Variants in TMEM25 observed in about 807,000 individuals in gnomAD.
TMEM25 encodes 0610039J01Rik.
TMEM25 carries 36 observed loss-of-function variants against 37.0 expected under a neutral mutation model. The ratio of observed to expected loss-of-function variants is 0.97; its 90% CI spans 0.75 to 1.28. The LOEUF (loss-of-function observed/expected upper bound fraction) is 1.28. Among genes scored for constraint, TMEM25 ranks in the 50% most tolerant of loss-of-function variants. TMEM25 has a pLI of 0.00. For missense variants in TMEM25, 444 were observed against 477.9 expected, an observed-to-expected ratio of 0.93 and a Z score of 0.66; for synonymous variants, 197 against 203.7, an observed-to-expected ratio of 0.97 and a Z score of 0.28.
At position 118,531,912 on chromosome 11, in the gene TMEM25, C is replaced by T. The variant is rs1555058713; in HGVS notation, c.70+41C>T. ...GTCGTTGACCAAGTCCTTCTGGGTT[C>T]CAAAGCCCCCTCTCTCCCCTGTCTG... On this transcript the variant is annotated intron_variant, in intron 2 of 8. Transcript: ENST00000313236. 5.8e-6 allele frequency: 9 copies of T among 1,547,900 alleles called. No homozygotes were observed. In the Admixed American group the frequency reaches 1.6e-4, roughly 27 times the overall value.
In TMEM25 at chr11:118,533,907, G is replaced by GGT. The variant is rs1555061390; in HGVS notation, c.836+22_836+23dup. 6.2e-7 allele frequency: 1 copy of GGT among 1,614,104 alleles called. No homozygotes were observed. The highest frequency in any genetic ancestry group is 1.7e-5 in the Admixed American group (1 of 60,020). The stretch of plus-strand genomic sequence containing the variant: ...ATCAAGGTAACTCTTCCTTGGGCTG[G>GGT]GTGGACAAGCCTAACCGAAATGCAG... On this transcript the variant is annotated intron_variant, in intron 6 of 8. Coordinates refer to ENST00000313236, the MANE Select transcript of TMEM25 (RefSeq NM_032780.4).
At chr11:118,533,835 G>T (rs1256591655) in intron 5 of TMEM25, 22 bp from the exon 6 acceptor site, 1 of 1,613,944 alleles carries the variant, frequency 6.2e-7, no homozygotes, top group East Asian at 2.2e-5. Flanking sequence ...GAGAATTAGG[G>T]ACATGGTTTC....
chr11:118,544,590 C>A (rs1310692933), intron 8 of TMEM25: 2 of 267,940 alleles, frequency 7.5e-6, no homozygotes, highest in Admixed American at 4.9e-5. Flanking sequence ...TGAAAGAAAA[C>A]AATTCCATCC....
At chr11:118,532,784 C>T in intron 3 of TMEM25, 133 bp from the exon 4 acceptor site, 3 of 1,303,604 alleles carry the variant, frequency 2.3e-6, no homozygotes, top group Non-Finnish European at 3.1e-6. Flanking sequence ...CTCTGGCAGA[C>T]CCAGCCATCC....
chr11:118,535,338 C>T lies in TMEM25; in HGVS notation c.*758C>T, dbSNP rs781975273. On this transcript the variant is annotated 3_prime_UTR_variant, in exon 9 of 9. Coordinates refer to ENST00000313236, the MANE Select transcript of TMEM25 (RefSeq NM_032780.4). ...GCGATGAGTCTAGTAGCACCCAGGA[C>T]GGCTTGTAGCTATGCATCATTTTCC... is the stretch of plus-strand genomic sequence containing the variant. The T allele has an allele frequency of 5.0e-4, 690 of 1,381,172 alleles. No homozygotes were observed. The highest frequency in any genetic ancestry group is 1.9e-3 in the Middle Eastern group (7 of 3,730). The allele number at this position is 1,381,172 out of a possible 1,614,324, so 85.6% of individuals were successfully genotyped here.
chr11:118,532,709 C>T, intron 3 of TMEM25: 1 of 799,816 alleles, frequency 1.3e-6, no homozygotes, highest in South Asian at 1.9e-5. Context: ...AGAAGCAGAG[C>T]CAGGATTCAC....
In TMEM25 at chr11:118,546,174, G is replaced by C. The variant is rs140711786; in HGVS notation, c.*27G>C. Reference sequence around the variant, plus strand: ...AGAGGGAAGACCATGGGAAGACACAGAAGATGGCCAAGAAGAGACCCCTCA... The same window carrying C: ...AGAGGGAAGACCATGGGAAGACACACAAGATGGCCAAGAAGAGACCCCTCA... On this transcript the variant is annotated 3_prime_UTR_variant, in exon 9 of 9. Coordinates refer to the TMEM25 transcript ENST00000354284. 430 of 718,502 alleles carry C rather than the reference G, an allele frequency of 6.0e-4. 5 individuals are homozygous for C. In the East Asian group the frequency reaches 9.7e-3, roughly 16 times the overall value. 44.5% of individuals were successfully genotyped at this position (718,502 alleles called of 1,614,324 possible). A position where few individuals can be genotyped will look rare whatever the true frequency, so the allele number is the denominator to read the frequency against.
At chr11:118,535,886 T>C, downstream of TMEM25, 10 of 1,050,418 alleles carry the variant, frequency 9.5e-6, no homozygotes, top group Non-Finnish European at 1.1e-5. Flanking sequence ...TGTTTTATTT[T>C]GTTTCGTTTG....
downstream of TMEM25, among the ~76,000 whole-genome samples, chr11:118,539,830 A>G (rs11216885): frequency 0.16 from 24,398 of 151,540 alleles, 2,425 homozygotes; most frequent in East Asian, 0.49. Flanking sequence ...AGACCAGCCT[A>G]GCCAACATGG....
At chr11:118,543,239 C>T (rs1951604240) in intron 8 of TMEM25, among the ~76,000 whole-genome samples, 1 of 152,116 alleles carries the variant, frequency 6.6e-6, no homozygotes, top group Non-Finnish European at 1.5e-5. Context: ...CGTGCCTGCT[C>T]CTTAAACTCA....
In TMEM25 at chr11:118,532,436, C is replaced by A. The variant is rs138350313; in HGVS notation, c.357C>A (p.Asn119Lys). The change falls in exon 3 of 9, where the codon AAC (asparagine) becomes AAA (lysine). Residue 119 changes from asparagine (N) to lysine (K), a missense_variant. By Grantham distance (94) the Asn-to-Lys change is moderately conservative (BLOSUM62 0). Coordinates refer to ENST00000313236, the MANE Select transcript of TMEM25 (RefSeq NM_032780.4). Reference protein sequence around the residue: ...LQDPRSGRSANASVILNVQFK... With the variant: ...LQDPRSGRSAKASVILNVQFK... ...ACCCCAGAAGTGGCCGATCAGCCAA[C>A]GCCTCTGTCATCCTTAATGTGCAAT... 1.2e-6 allele frequency: 2 copies of A among 1,613,528 alleles called. No homozygotes were observed. Among genetic ancestry groups the A allele is most frequent in the Non-Finnish European group, 8.5e-7 (1 of 1,179,664 alleles).
At chr11:118,538,469 G>T (rs1417700344), downstream of TMEM25, among the ~76,000 whole-genome samples, 1 of 151,996 alleles carries the variant, frequency 6.6e-6, no homozygotes, top group Non-Finnish European at 1.5e-5. Context: ...GCCAGGCTTT[G>T]TCTTTTTAAT....
At position 118,534,722 on chromosome 11, in the gene TMEM25, C is replaced by T. The variant is rs45548238; in HGVS notation, c.*142C>T. 223,448 of 1,469,048 alleles carry T rather than the reference C, an allele frequency of 0.15. 21,056 individuals carry two copies. Among genetic ancestry groups the T allele is most frequent in the East Asian group, 0.46 (18,457 of 40,212 alleles). The allele number at this position is 1,469,048 out of a possible 1,614,324, so 91.0% of individuals were successfully genotyped here. On this transcript the variant is annotated 3_prime_UTR_variant, in exon 9 of 9. Transcript: ENST00000313236. The surrounding 1 kb of genome is among the most constrained non-coding windows in gnomAD (Gnocchi z 4.6). Reference sequence around the variant, plus strand: ...TTGCCCTCCTGGCTGGGGTGCCCTCCATGTCATGCACGTGATGCATTTCAC... The same window carrying T: ...TTGCCCTCCTGGCTGGGGTGCCCTCTATGTCATGCACGTGATGCATTTCAC...
downstream of TMEM25, among the ~76,000 whole-genome samples, chr11:118,539,000 A>G (rs1189281719): frequency 2.6e-5 from 4 of 151,728 alleles, no homozygotes; most frequent in African/African-American, 9.7e-5. Flanking sequence ...TATTCTGGAT[A>G]TTAATCCCCT....
In TMEM25 at chr11:118,532,979, G is replaced by A; in HGVS notation, c.445G>A (p.Val149Ile). Residue 149 changes from valine (V) to isoleucine (I), a missense_variant, in exon 4 of 9, where the codon GTT becomes ATT. Val to Ile is a conservative substitution (Grantham distance 29, BLOSUM62 3). Coordinates refer to ENST00000313236, the MANE Select transcript of TMEM25 (RefSeq NM_032780.4). Reference sequence around the variant, plus strand: ...GGAAGCTCAGGGCCCAGGCCTCCTGGTTGTCCTGTTTGCCCTGGTGCGTGC... The same window carrying A: ...GGAAGCTCAGGGCCCAGGCCTCCTGATTGTCCTGTTTGCCCTGGTGCGTGC... Reference protein sequence around the residue: ...YQEAQGPGLLVVLFALVRANP... With the variant: ...YQEAQGPGLLIVLFALVRANP... 1 of 1,614,244 alleles carries A rather than the reference G, an allele frequency of 6.2e-7. No individual in the cohort carries two copies. Among genetic ancestry groups the A allele is most frequent in the Non-Finnish European group, 8.5e-7 (1 of 1,180,046 alleles).
At chr11:118,540,700 GA>G (rs1234168161), downstream of TMEM25, among the ~76,000 whole-genome samples, 5 of 152,210 alleles carry the variant, frequency 3.3e-5, no homozygotes, top group Non-Finnish European at 5.9e-5. Flanking sequence ...TTTGTCGGGT[GA>G]CAGACCCATT....
At position 118,532,977 on chromosome 11, in the gene TMEM25, T is replaced by C. The variant is rs782693163; in HGVS notation, c.443T>C (p.Leu148Pro). 15 of 1,614,140 alleles carry C rather than the reference T, an allele frequency of 9.3e-6. No homozygotes were observed. The South Asian group carries it at 1.6e-4, about 18-fold the overall frequency. The change falls in exon 4 of 9, where the codon CTG becomes CCG. Residue 148 changes from leucine (L) to proline (P), a missense_variant. Transcript: ENST00000313236. ...KYQEAQGPGLLVVLFALVRAN... is the reference protein window; with the variant it reads ...KYQEAQGPGLPVVLFALVRAN... ...CAGGAAGCTCAGGGCCCAGGCCTCC[T>C]GGTTGTCCTGTTTGCCCTGGTGCGT...
Position 118,533,867 on chromosome 11 carries a change from G to A in TMEM25, c.816G>A (p.Arg272=). 1 of 1,614,060 alleles carries A rather than the reference G, an allele frequency of 6.2e-7. No individual in the cohort carries two copies. The highest frequency in any genetic ancestry group is 8.5e-7 in the Non-Finnish European group (1 of 1,179,996). ...RKEKKTKGPS[R]HPSLISSDSN... is the part of the protein sequence containing the mutation. ...TTTCTTTCTCCACAGGCCCCTCCCGGCACCCATCTCTGATATCAAGGTAAC... is the reference window on the plus strand; with the variant it reads ...TTTCTTTCTCCACAGGCCCCTCCCGACACCCATCTCTGATATCAAGGTAAC... The change falls in exon 6 of 9, where the codon CGG becomes CGA. Residue 272 remains arginine (R), a synonymous_variant. Transcript: ENST00000313236.
chr11:118,532,113 C>T (rs1555058935), intron 2 of TMEM25, 37 bp from the exon 3 acceptor site: 1 of 1,504,332 alleles, frequency 6.6e-7, no homozygotes. Flanking sequence ...ACCAACCGTG[C>T]CTGAGCCCTT....
Sources: gnomAD v4.1 joint callset for allele counts (sites outside exome capture counted in the v4.1 genomes callset) on GRCh38, gnomAD v4.1.1 for gene constraint, Gnocchi (gnomAD v3.1) non-coding constraint, MANE v1.5 for transcripts, NCBI Gene and HGNC (gene_info 2026-07-23, HGNC 2026-07-21) for gene names.